AGBL4: variants seen among roughly 807,000 people sequenced by gnomAD.
The protein encoded by AGBL4 is cytosolic carboxypeptidase 6.
Under a neutral mutation model 66.4 loss-of-function variants are expected in AGBL4, and 58 were observed. The observed-to-expected ratio is 0.87, with a 90% CI of 0.71 to 1.09. The LOEUF (loss-of-function observed/expected upper bound fraction) is 1.09. Among genes scored for constraint, AGBL4 ranks in the 50% least tolerant of loss-of-function variants. The probability of loss-of-function intolerance (pLI) is 0.00; values close to 1 mark genes in which losing one functional copy is unlikely to be tolerated. For missense variants in AGBL4, 579 were observed against 631.0 expected (o/e 0.92, Z 0.88); for synonymous variants, 234 against 222.9 (o/e 1.05, Z -0.44).
intron 11 of AGBL4, among the ~76,000 whole-genome samples, chr1:48,560,093 C>T (rs1644374759): frequency 6.6e-6 from 1 of 152,178 alleles, no homozygotes; most frequent in Admixed American, 6.5e-5. Flanking sequence ...ACCCCTATCC[C>T]CTCCTCTGAA....
intron 11 of AGBL4, among the ~76,000 whole-genome samples, chr1:48,541,458 A>G (rs1047679818): frequency 2.0e-4 from 30 of 152,246 alleles, no homozygotes; most frequent in Non-Finnish European, 3.8e-4. Flanking sequence ...TAAGTATGAA[A>G]TATATATTTG....
intron 6 of AGBL4, among the ~76,000 whole-genome samples, chr1:48,701,349 T>C (rs1335649883): frequency 7.2e-6 from 1 of 139,430 alleles, no homozygotes; most frequent in Non-Finnish European, 1.6e-5. Flanking sequence ...TGTGTGACCA[T>C]AGGCAGGTGT....
intron 4 of AGBL4, among the ~76,000 whole-genome samples, chr1:49,172,881 C>T (rs180924178): frequency 9.9e-5 from 15 of 152,112 alleles, no homozygotes; most frequent in African/African-American, 2.4e-4. Flanking sequence ...ATCCCAGCAC[C>T]GTGGGAGGCT....
chr1:49,886,804 GT>G (rs1648083948), intron 1 of AGBL4, among the ~76,000 whole-genome samples: 1 of 152,080 alleles, frequency 6.6e-6, no homozygotes, highest in Admixed American at 6.6e-5. Context: ...CTGCATTCTG[GT>G]TCCCAAATTA....
intron 5 of AGBL4, among the ~76,000 whole-genome samples, chr1:48,918,292 C>T (rs537694285): frequency 3.3e-5 from 5 of 152,230 alleles, no homozygotes; most frequent in Non-Finnish European, 5.9e-5. Context: ...TTTGTTCATT[C>T]GTTTGTTTGT....
chr1:48,814,609 CTTTTTT>C (rs10708061), intron 6 of AGBL4, among the ~76,000 whole-genome samples: 1 of 131,658 alleles, frequency 7.6e-6, no homozygotes. Context: ...ATGAGATCAA[CTTTTTT>C]TTTTTTTTTT....
chr1:49,716,224 C>T (rs1648121826), intron 2 of AGBL4, among the ~76,000 whole-genome samples: 1 of 152,040 alleles, frequency 6.6e-6, no homozygotes, highest in South Asian at 2.1e-4. Context: ...TTCCCCATTG[C>T]TTGTTTTTGT....
chr1:49,507,397 C>T (rs1473361368), intron 3 of AGBL4, among the ~76,000 whole-genome samples: 1 of 152,002 alleles, frequency 6.6e-6, no homozygotes, highest in Non-Finnish European at 1.5e-5. Context: ...TCATGAGAGA[C>T]AGTAAAAGCT....
rs971639177 is a variant in AGBL4 at position 49,097,884 on chromosome 1, G to C, written c.378-52084C>G. On this transcript the variant is annotated intron_variant, in intron 4 of 13. Transcript: ENST00000371839. ...GCATGAGCCACTGTGCCAGCCTCTA[G>C]GCAATTATTTAATGAGGTAAAAGTC... Among the ~76,000 whole-genome samples the C allele has an allele frequency of 2.6e-5, 4 of 152,190 alleles. No homozygotes were observed. The South Asian group carries it at 8.3e-4, about 31-fold the overall frequency.
intron 4 of AGBL4, among the ~76,000 whole-genome samples, chr1:49,216,070 T>C (rs1219964960): frequency 6.6e-6 from 1 of 152,030 alleles, no homozygotes; most frequent in African/African-American, 2.4e-5. Flanking sequence ...TGACTTAAGA[T>C]ATCTGATCAT....
At chr1:48,839,201 A>G (rs1646746194) in intron 6 of AGBL4, among the ~76,000 whole-genome samples, 1 of 152,158 alleles carries the variant, frequency 6.6e-6, no homozygotes, top group South Asian at 2.1e-4. Flanking sequence ...AAAGGAAATC[A>G]GCATATTGAA....
At chr1:49,278,601 C>A (rs186448423) in intron 3 of AGBL4, among the ~76,000 whole-genome samples, 2 of 152,132 alleles carry the variant, frequency 1.3e-5, no homozygotes, top group African/African-American at 4.8e-5. Context: ...AAGCTAATGG[C>A]AAATATTTAT....
intron 3 of AGBL4, among the ~76,000 whole-genome samples, chr1:49,679,553 T>C (rs1180739354): frequency 2.6e-5 from 4 of 152,174 alleles, no homozygotes; most frequent in Non-Finnish European, 4.4e-5. Context: ...ATAAGGCCAC[T>C]TACATTTAAT....
chr1:48,641,018 A>G (rs912085941), intron 8 of AGBL4, among the ~76,000 whole-genome samples: 1 of 152,138 alleles, frequency 6.6e-6, no homozygotes, highest in Admixed American at 6.5e-5. Flanking sequence ...TGCCCTGAGC[A>G]CCGTGAGGCT....
At chr1:49,912,091 T>A (rs1233130719) in intron 1 of AGBL4, among the ~76,000 whole-genome samples, 2 of 152,174 alleles carry the variant, frequency 1.3e-5, no homozygotes, top group Admixed American at 6.6e-5. Flanking sequence ...CTACAACACA[T>A]GTATCTGTAT....
intron 5 of AGBL4, among the ~76,000 whole-genome samples, chr1:48,923,484 C>A (rs1654266161): frequency 6.6e-6 from 1 of 152,156 alleles, no homozygotes; most frequent in African/African-American, 2.4e-5. Context: ...AGGTTAGCTG[C>A]TGATTTGGAG....
intron 11 of AGBL4, among the ~76,000 whole-genome samples, chr1:48,573,986 A>C (rs1454875441): frequency 2.0e-5 from 3 of 152,200 alleles, no homozygotes; most frequent in African/African-American, 7.2e-5. Context: ...AAGTTCACAC[A>C]ACTGGTAAAT....
chr1:49,456,156 C>G (rs1646383989), intron 3 of AGBL4, among the ~76,000 whole-genome samples: 1 of 151,690 alleles, frequency 6.6e-6, no homozygotes. Context: ...TCTTCCAAGT[C>G]TTTAATTTGG....
intron 6 of AGBL4, among the ~76,000 whole-genome samples, chr1:48,678,587 C>T (rs889954101): frequency 2.6e-5 from 4 of 152,134 alleles, no homozygotes; most frequent in Non-Finnish European, 4.4e-5. Flanking sequence ...TAGTAGGTAC[C>T]CCATATGTGA....
Sources: gnomAD v4.1 joint callset for allele counts (sites outside exome capture counted in the v4.1 genomes callset) on GRCh38, gnomAD v4.1.1 for gene constraint, MANE v1.5 for transcripts, NCBI Gene and HGNC (gene_info 2026-07-23, HGNC 2026-07-21) for gene names.